The following RER1 variants were observed in gnomAD, a reference collection of about 807,000 sequenced individuals.
RER1 encodes retention in endoplasmic reticulum sorting receptor 1, also known as protein RER1.
In RER1, 6 loss-of-function variants were observed where a neutral mutation model predicts 28.3. That is an observed-to-expected ratio of 0.21 (90% CI 0.12 to 0.42). The LOEUF (loss-of-function observed/expected upper bound fraction) is 0.42, where lower values mean the gene tolerates loss of function less well. RER1 is among the 10% of genes least tolerant of loss of function. The pLI, the probability that RER1 is intolerant of heterozygous loss-of-function variation, is 1.00. For synonymous variants in RER1, 110 were observed against 95.9 expected, an observed-to-expected ratio of 1.15 and a Z score of -0.86; for missense variants, 159 against 252.9, an observed-to-expected ratio of 0.63 and a Z score of 2.52.
chr1:2,397,836 C>T (rs1402725994), intron 3 of RER1, among the ~76,000 whole-genome samples: 2 of 152,110 alleles, frequency 1.3e-5, no homozygotes, highest in African/African-American at 4.8e-5. Context: ...AGGAGCAAAC[C>T]TGTAAGATGG....
At chr1:2,400,323 CTGT>C (rs1323936311) in intron 4 of RER1, among the ~76,000 whole-genome samples, 11 of 152,256 alleles carry the variant, frequency 7.2e-5, no homozygotes, top group African/African-American at 2.7e-4. Context: ...CAGCCCCTCT[CTGT>C]TGTTGCTGTT....
At chr1:2,400,961 A>G (rs1314443823) in intron 5 of RER1, 26 bp downstream of exon 5, 1 of 1,581,760 alleles carries the variant, frequency 6.3e-7, no homozygotes, top group Admixed American at 1.7e-5. Context: ...ACGGTATTTG[A>G]AGAGAATTGT....
At chr1:2,399,940 C>T (rs1339399599) in intron 4 of RER1, among the ~76,000 whole-genome samples, 8 of 152,192 alleles carry the variant, frequency 5.3e-5, no homozygotes, top group African/African-American at 1.9e-4. Flanking sequence ...GCACAGAGAC[C>T]GCCGGGACTC....
chr1:2,395,764 A>G lies in RER1; in HGVS notation c.-7-20A>G. The stretch of plus-strand genomic sequence containing the variant: ...CCGTGAATGCTTTTTACTGAAAAGT[A>G]TTTTGTGTTTTTCTCCCAGTTACAG... On this transcript the variant is annotated intron_variant, in intron 1 of 6. Transcript: ENST00000605895. The G allele has an allele frequency of 6.4e-7, 1 of 1,566,118 alleles. No individual in the cohort carries two copies. Among genetic ancestry groups the G allele is most frequent in the Non-Finnish European group, 8.8e-7 (1 of 1,136,298 alleles).
rs1642915894 is a variant in RER1, at chr1:2,403,959, C to CA, written c.*837dup. On this transcript the variant is annotated 3_prime_UTR_variant, in exon 7 of 7. Coordinates refer to ENST00000605895, the MANE Select transcript of RER1 (RefSeq NM_007033.5). The stretch of plus-strand genomic sequence containing the variant: ...TTTGATTCGAGAAAAGAAATACTCT[C>CA]AACGTTTTACCAAGTGATTTTACCT... 1.3e-5 allele frequency: 2 copies of CA among 152,362 alleles called. No homozygotes were observed. Among genetic ancestry groups the CA allele is most frequent in the African/African-American group, 4.8e-5 (2 of 41,576 alleles). The allele number at this position is 152,362 out of a possible 1,614,324, so 9.4% of individuals were successfully genotyped here. A position where few individuals can be genotyped will look rare whatever the true frequency, so the allele number is the denominator to read the frequency against.
At chr1:2,402,394 C>T (rs556673628) in intron 6 of RER1, 52 bp downstream of exon 6, 84 of 1,610,574 alleles carry the variant, frequency 5.2e-5, no homozygotes, top group East Asian at 6.7e-5. Flanking sequence ...TTCTGTTACC[C>T]GCAGCATTGG....
rs1642911213 is a variant in RER1, at chr1:2,403,738, A to G, written c.*614A>G. On this transcript the variant is annotated 3_prime_UTR_variant, in exon 7 of 7. Transcript: ENST00000605895. ...TTTGAGGGCCCGGAATTATAAATAT[A>G]TATTATATTTTAATTGTTTGAGATT... 6.6e-6 allele frequency: 1 copy of G among 152,542 alleles called. No homozygotes were observed. Among genetic ancestry groups the G allele is most frequent in the Non-Finnish European group, 1.5e-5 (1 of 68,038 alleles). The allele number at this position is 152,542 out of a possible 1,614,324, so 9.4% of individuals were successfully genotyped here.
At chr1:2,399,270 C>T (rs1460354459) in intron 3 of RER1, 145 bp from the exon 4 acceptor site, 11 of 663,418 alleles carry the variant, frequency 1.7e-5, no homozygotes, top group Non-Finnish European at 2.8e-5. Flanking sequence ...ACTGTATTTC[C>T]TTGTCCTTGC....
intron 2 of RER1, among the ~76,000 whole-genome samples, chr1:2,396,526 C>T (rs1642769732): frequency 6.6e-6 from 1 of 152,214 alleles, no homozygotes; most frequent in African/African-American, 2.4e-5. Context: ...TTGGAAATTT[C>T]TCACAATTTG....
At chr1:2,396,059 C>G (rs1642763910) in intron 2 of RER1, 188 bp downstream of exon 2, 3 of 602,400 alleles carry the variant, frequency 5.0e-6, no homozygotes, top group Non-Finnish European at 8.9e-6. Flanking sequence ...GCTCTGGGGC[C>G]ACACGTGGTC....
chr1:2,398,775 A>G lies in RER1; in HGVS notation c.187-640A>G, dbSNP rs562180218. Among the ~76,000 whole-genome samples the G allele has an allele frequency of 5.8e-4, 89 of 152,392 alleles. No individual in the cohort carries two copies. The South Asian group carries it at 0.017, about 29-fold the overall frequency. ...ATTTTAAAAAATGAATTAGTTGCAA[A>G]TAAGTGTGCTGCACTCAGGCATCTT... On this transcript the variant is annotated intron_variant, in intron 3 of 6. Coordinates refer to ENST00000605895, the MANE Select transcript of RER1 (RefSeq NM_007033.5).
rs1376775852 is a variant in RER1, at chr1:2,405,383, G to A, written c.*2259G>A. On this transcript the variant is annotated 3_prime_UTR_variant, in exon 7 of 7. Transcript: ENST00000605895. ...CATTCAGTCCATTGCCTTAACACAA[G>A]CCTGATGGGGCTGTTTTCTCACAAT... 8.0e-6 allele frequency: 3 copies of A among 376,986 alleles called. No homozygotes were observed. Among genetic ancestry groups the A allele is most frequent in the Non-Finnish European group, 1.0e-5 (2 of 194,806 alleles). 23.4% of individuals were successfully genotyped at this position (376,986 alleles called of 1,614,324 possible).
chr1:2,400,582 A>C (rs1334599515), intron 4 of RER1, among the ~76,000 whole-genome samples: 2 of 152,194 alleles, frequency 1.3e-5, no homozygotes, highest in African/African-American at 4.8e-5. Context: ...TACGTGGTGC[A>C]GCTGACGTGT....
chr1:2,398,299 T>C (rs558248568), intron 3 of RER1, among the ~76,000 whole-genome samples: 30 of 152,368 alleles, frequency 2.0e-4, no homozygotes, highest in Non-Finnish European at 3.7e-4. Flanking sequence ...AGACATCAGT[T>C]AGCCCTCACA....
At chr1:2,400,057 T>TAA (rs1481666884) in intron 4 of RER1, among the ~76,000 whole-genome samples, 4 of 152,152 alleles carry the variant, frequency 2.6e-5, no homozygotes, top group African/African-American at 9.7e-5. Flanking sequence ...TTGGAAGACT[T>TAA]ACGCAGCTCC....
chr1:2,402,380 G>A (rs776600841), intron 6 of RER1, 38 bp downstream of exon 6: 14 of 1,612,914 alleles, frequency 8.7e-6, no homozygotes, highest in South Asian at 7.7e-5. Context: ...GGCCGCAATC[G>A]CTGTTCTGTT....
chr1:2,398,514 G>A (rs933217374), intron 3 of RER1, among the ~76,000 whole-genome samples: 3 of 152,178 alleles, frequency 2.0e-5, no homozygotes, highest in Non-Finnish European at 4.4e-5. Flanking sequence ...TCAGCTTCCC[G>A]AGCAGCTGGG....
At chr1:2,393,913 G>A (rs1642730355) in intron 1 of RER1, 1 of 152,240 alleles carries the variant, frequency 6.6e-6, no homozygotes, top group Admixed American at 6.5e-5. Flanking sequence ...AGAGTGAGAA[G>A]TTCTGAGCTT....
At chr1:2,401,052 C>T (rs987569319) in intron 5 of RER1, 117 bp downstream of exon 5, 29 of 851,976 alleles carry the variant, frequency 3.4e-5, no homozygotes, top group South Asian at 1.7e-4. Context: ...GGGCTGGGCA[C>T]GGGGAATCGC....
Sources: gnomAD v4.1 joint callset for allele counts (sites outside exome capture counted in the v4.1 genomes callset) on GRCh38, gnomAD v4.1.1 for gene constraint, MANE v1.5 for transcripts, NCBI Gene and HGNC (gene_info 2026-07-23, HGNC 2026-07-21) for gene names.